Variants in UXS1 observed in about 807,000 individuals in gnomAD.
UXS1 encodes the protein UDP-glucuronic acid decarboxylase 1.
UXS1 carries 33 observed loss-of-function variants against 62.6 expected under a neutral mutation model. That is an observed-to-expected ratio of 0.53 (90% CI 0.40 to 0.70). The LOEUF (loss-of-function observed/expected upper bound fraction) is 0.70, where lower values mean the gene tolerates loss of function less well. UXS1 is among the 30% of genes least tolerant of loss of function. UXS1 has a pLI of 0.00. For synonymous variants in UXS1, 213 were observed against 206.8 expected (o/e 1.03, Z -0.26); for missense variants, 434 against 556.3 (o/e 0.78, Z 2.21).
chr2:106,190,743 C>A (rs867119401), intron 1 of UXS1, among the ~76,000 whole-genome samples: 799 of 124,674 alleles, frequency 6.4e-3, no homozygotes, highest in East Asian at 7.9e-3. Context: ...AACTCTGTAT[C>A]AAAAAAAAAA....
chr2:106,114,589 C>A (rs1198135245), intron 9 of UXS1, among the ~76,000 whole-genome samples: 1 of 152,198 alleles, frequency 6.6e-6, no homozygotes, highest in East Asian at 1.9e-4. Context: ...ATGGGTTAGG[C>A]AAAATTTGCA....
rs61112596 is a variant in UXS1 at position 106,187,938 on chromosome 2, C to T, written c.94+6210G>A. 0.017 allele frequency among the ~76,000 whole-genome samples: 2,603 copies of T among 152,158 alleles called. 175 individuals are homozygous for T. In the East Asian group the frequency reaches 0.21, roughly 12 times the overall value. Reference sequence around the variant, plus strand: ...TGTATTTTTACTAGAGACGGGGTTTCACCATGTTGGCCAGGCTGGTCTCAA... The same window carrying T: ...TGTATTTTTACTAGAGACGGGGTTTTACCATGTTGGCCAGGCTGGTCTCAA... On this transcript the variant is annotated intron_variant, in intron 1 of 14. Transcript: ENST00000283148.
chr2:106,161,690 C>T (rs542207127), intron 4 of UXS1, among the ~76,000 whole-genome samples: 13 of 152,110 alleles, frequency 8.5e-5, no homozygotes, highest in Non-Finnish European at 1.5e-4. Flanking sequence ...AGTATTCTTA[C>T]TTAGAATTTA....
At chr2:106,176,584 C>A (rs2105092402) in intron 1 of UXS1, among the ~76,000 whole-genome samples, 1 of 152,308 alleles carries the variant, frequency 6.6e-6, no homozygotes, top group South Asian at 2.1e-4. Flanking sequence ...GAACGGGAAG[C>A]CGTGCCTACT....
At chr2:106,106,476 A>G (rs1326661287) in intron 10 of UXS1, among the ~76,000 whole-genome samples, 3 of 152,174 alleles carry the variant, frequency 2.0e-5, no homozygotes, top group East Asian at 1.9e-4. Flanking sequence ...TTATATGCCA[A>G]TTCCACAGGT....
At chr2:106,178,520 CTAT>C (rs1684036389) in intron 1 of UXS1, among the ~76,000 whole-genome samples, 1 of 152,042 alleles carries the variant, frequency 6.6e-6, no homozygotes, top group African/African-American at 2.4e-5. Flanking sequence ...ATATACAAGT[CTAT>C]GTATATGTAT....
At chr2:106,138,793 C>T in intron 6 of UXS1, 4 of 985,438 alleles carry the variant, frequency 4.1e-6, no homozygotes, top group Non-Finnish European at 4.8e-6. Flanking sequence ...AACTGAAAAC[C>T]CTATGAAAAT....
intron 1 of UXS1, among the ~76,000 whole-genome samples, chr2:106,169,812 AG>A (rs1683431594): frequency 6.6e-6 from 1 of 152,104 alleles, no homozygotes; most frequent in Non-Finnish European, 1.5e-5. Context: ...TGATGTCCTG[AG>A]CCCTTTCCCC....
chr2:106,162,573 T>C (rs1329068789), intron 4 of UXS1, among the ~76,000 whole-genome samples: 1 of 152,240 alleles, frequency 6.6e-6, no homozygotes, highest in Non-Finnish European at 1.5e-5. Flanking sequence ...GATCTCTCAA[T>C]TCTGCTGTCT....
At chr2:106,117,299 T>G (rs60772636) in intron 9 of UXS1, among the ~76,000 whole-genome samples, 1 of 152,272 alleles carries the variant, frequency 6.6e-6, no homozygotes, top group Non-Finnish European at 1.5e-5. Flanking sequence ...CTTAGGTGGA[T>G]AGCTCACATT....
intron 10 of UXS1, 140 bp downstream of exon 10, chr2:106,112,506 C>T (rs1678700573): frequency 1.5e-6 from 2 of 1,356,130 alleles, no homozygotes; most frequent in South Asian, 1.5e-5. Context: ...GCCTGCCTTC[C>T]CCTTAGTGGA....
At chr2:106,183,101 C>T (rs985948075) in intron 1 of UXS1, among the ~76,000 whole-genome samples, 7 of 152,072 alleles carry the variant, frequency 4.6e-5, no homozygotes, top group Admixed American at 2.0e-4. Context: ...CAGCTAATGG[C>T]CATTTCCACC....
At chr2:106,186,491 C>T (rs996666575) in intron 1 of UXS1, among the ~76,000 whole-genome samples, 4 of 139,580 alleles carry the variant, frequency 2.9e-5, no homozygotes, top group Admixed American at 7.2e-5. Context: ...CATGAATATA[C>T]GTAAATATGT....
intron 9 of UXS1, among the ~76,000 whole-genome samples, chr2:106,115,168 T>A (rs1678964417): frequency 6.6e-6 from 1 of 152,204 alleles, no homozygotes; most frequent in Non-Finnish European, 1.5e-5. Context: ...ATGCATGGAT[T>A]GGAGAAAGGT....
chr2:106,096,440 T>C lies in UXS1; in HGVS notation c.1146+278A>G, dbSNP rs907437564. Among the ~76,000 whole-genome samples, 11 of 152,136 alleles carry C rather than the reference T, an allele frequency of 7.2e-5. 2 individuals carry two copies. The South Asian group carries it at 1.0e-3, about 14-fold the overall frequency. On this transcript the variant is annotated intron_variant, in intron 14 of 14. Coordinates refer to ENST00000283148, the MANE Select transcript of UXS1 (RefSeq NM_001253875.2). The stretch of plus-strand genomic sequence containing the variant: ...GTACAAGTGTTTGTATGGCAGTGTA[T>C]GTGTATGAGAGAATGTAAGAATGTG...
At chr2:106,138,349 C>T in intron 6 of UXS1, 1 of 985,576 alleles carries the variant, frequency 1.0e-6, no homozygotes, top group Non-Finnish European at 1.2e-6. Flanking sequence ...CACATGCCTT[C>T]CTCACTAGAC....
intron 5 of UXS1, among the ~76,000 whole-genome samples, chr2:106,147,812 T>G (rs1681689983): frequency 6.6e-6 from 1 of 152,202 alleles, no homozygotes; most frequent in South Asian, 2.1e-4. Flanking sequence ...CTGCAGTTAC[T>G]CATACTGGAT....
At chr2:106,125,592 A>T in intron 8 of UXS1, 28 bp downstream of exon 8, 6 of 1,545,276 alleles carry the variant, frequency 3.9e-6, no homozygotes, top group Non-Finnish European at 5.2e-6. Context: ...GCTGGAGTGA[A>T]CATCTCCTGA....
chr2:106,127,557 C>T (rs759757185), intron 7 of UXS1, among the ~76,000 whole-genome samples: 6 of 152,172 alleles, frequency 3.9e-5, no homozygotes, highest in Non-Finnish European at 7.3e-5. Flanking sequence ...AGCTATCCTG[C>T]TGCTGTAGTG....
Sources: gnomAD v4.1 joint callset for allele counts (sites outside exome capture counted in the v4.1 genomes callset) on GRCh38, gnomAD v4.1.1 for gene constraint, MANE v1.5 for transcripts, NCBI Gene and HGNC (gene_info 2026-07-23, HGNC 2026-07-21) for gene names.